DLG2: variants seen among roughly 807,000 people sequenced by gnomAD.
DLG2 encodes the protein disks large homolog 2.
In DLG2, 45 loss-of-function variants were observed where a neutral mutation model predicts 132.5. The ratio of observed to expected loss-of-function variants is 0.34; its 90% CI spans 0.27 to 0.44. The LOEUF (loss-of-function observed/expected upper bound fraction) is 0.44, where lower values mean the gene tolerates loss of function less well. DLG2 is among the 20% of genes least tolerant of loss of function. The pLI, the probability that DLG2 is intolerant of heterozygous loss-of-function variation, is 1.00. For synonymous variants in DLG2, 424 were observed against 419.6 expected (o/e 1.01, Z -0.13); for missense variants, 1,045 against 1,196.9 (o/e 0.87, Z 1.87).
intron 16 of DLG2, among the ~76,000 whole-genome samples, chr11:83,842,380 G>C (rs1345106522): frequency 6.6e-6 from 1 of 152,136 alleles, no homozygotes; most frequent in Non-Finnish European, 1.5e-5. Flanking sequence ...CGGATCATGA[G>C]GTCAAGAGAT....
chr11:84,519,315 T>C (rs1179147127), intron 7 of DLG2, among the ~76,000 whole-genome samples: 1 of 152,188 alleles, frequency 6.6e-6, no homozygotes, highest in African/African-American at 2.4e-5. Flanking sequence ...TGTATCATCA[T>C]TTTAGCAAGT....
chr11:83,464,853 C>G (rs970199025), intron 26 of DLG2, among the ~76,000 whole-genome samples: 2 of 152,130 alleles, frequency 1.3e-5, no homozygotes, highest in Admixed American at 1.3e-4. Flanking sequence ...CTGAAACAGG[C>G]CTTTAAGATG....
intron 3 of DLG2, among the ~76,000 whole-genome samples, chr11:85,537,541 C>A (rs1247503646): frequency 6.7e-6 from 1 of 149,194 alleles, no homozygotes; most frequent in East Asian, 1.9e-4. Context: ...GGATGAACAA[C>A]TCCAGATGGG....
chr11:83,577,148 T>A (rs2096885879), intron 19 of DLG2, among the ~76,000 whole-genome samples: 1 of 152,060 alleles, frequency 6.6e-6, no homozygotes, highest in African/African-American at 2.4e-5. Context: ...CCTCCCAGCC[T>A]ACATCTTTCT....
intron 6 of DLG2, among the ~76,000 whole-genome samples, chr11:84,625,324 A>T (rs2099620844): frequency 6.6e-6 from 1 of 152,168 alleles, no homozygotes. Context: ...CTGCACTAGA[A>T]ACTGGAAACC....
At chr11:85,497,516 C>G (rs1188110710) in intron 3 of DLG2, among the ~76,000 whole-genome samples, 1 of 152,124 alleles carries the variant, frequency 6.6e-6, no homozygotes, top group Non-Finnish European at 1.5e-5. Flanking sequence ...AGGATATTAT[C>G]CAGGAGAACT....
intron 6 of DLG2, among the ~76,000 whole-genome samples, chr11:84,786,527 T>G (rs1004519353): frequency 1.3e-5 from 2 of 152,176 alleles, no homozygotes; most frequent in Non-Finnish European, 2.9e-5. Flanking sequence ...ATAACAAGCT[T>G]CTAAGATAGA....
intron 6 of DLG2, chr11:84,955,461 G>C (rs1439474161): frequency 6.6e-6 from 1 of 152,120 alleles, no homozygotes; most frequent in Non-Finnish European, 1.5e-5. Context: ...ATATTTTATA[G>C]CCTCACAATA....
At chr11:84,290,465 T>C (rs2097975900) in intron 7 of DLG2, among the ~76,000 whole-genome samples, 1 of 152,126 alleles carries the variant, frequency 6.6e-6, no homozygotes, top group Admixed American at 6.6e-5. Flanking sequence ...ATCCCTGTTA[T>C]CGCAGGGTTC....
chr11:85,310,736 G>A (rs1457144092), intron 3 of DLG2, among the ~76,000 whole-genome samples: 1 of 152,060 alleles, frequency 6.6e-6, no homozygotes, highest in African/African-American at 2.4e-5. Context: ...TGCTATTCTG[G>A]GCTCTTATAT....
intron 6 of DLG2, among the ~76,000 whole-genome samples, chr11:85,080,644 C>CA (rs1338437477): frequency 6.6e-6 from 1 of 152,082 alleles, no homozygotes; most frequent in Non-Finnish European, 1.5e-5. Flanking sequence ...CAGTAGAAGT[C>CA]AGTGCTCCTT....
chr11:85,339,875 G>C (rs1783142473), intron 3 of DLG2, among the ~76,000 whole-genome samples: 1 of 152,084 alleles, frequency 6.6e-6, no homozygotes, highest in South Asian at 2.1e-4. Flanking sequence ...GGAGCCAACA[G>C]ACACATGAAA....
At chr11:84,366,108 G>T (rs191624129) in intron 7 of DLG2, among the ~76,000 whole-genome samples, 3 of 152,022 alleles carry the variant, frequency 2.0e-5, no homozygotes, top group Non-Finnish European at 4.4e-5. Context: ...GACTAACAGC[G>T]GATCTCTCGG....
chr11:84,123,326 T>C (rs991921857), intron 9 of DLG2, among the ~76,000 whole-genome samples: 3 of 152,234 alleles, frequency 2.0e-5, no homozygotes, highest in African/African-American at 7.2e-5. Context: ...TCATACTGCC[T>C]TGGGTTATCA....
chr11:85,245,371 C>A (rs1431268040), intron 4 of DLG2, among the ~76,000 whole-genome samples: 3 of 151,962 alleles, frequency 2.0e-5, no homozygotes, highest in Admixed American at 6.6e-5. Flanking sequence ...TTCTGTTACT[C>A]ACAATGGAAA....
chr11:85,320,362 G>T (rs554903948), intron 3 of DLG2, among the ~76,000 whole-genome samples: 10 of 151,918 alleles, frequency 6.6e-5, no homozygotes, highest in Middle Eastern at 3.4e-3. Context: ...AGGAAATCAG[G>T]TCCATCTAAT....
At chr11:84,672,879 G>A (rs1358404736) in intron 6 of DLG2, among the ~76,000 whole-genome samples, 3 of 152,102 alleles carry the variant, frequency 2.0e-5, no homozygotes, top group Admixed American at 1.3e-4. Context: ...CAGGAAGCAT[G>A]GCAGCATCAG....
chr11:83,720,432 T>A (rs1163810833), intron 18 of DLG2, among the ~76,000 whole-genome samples: 1 of 151,824 alleles, frequency 6.6e-6, no homozygotes, highest in Non-Finnish European at 1.5e-5. Flanking sequence ...ATTGTGTTCT[T>A]TACCTTTTTC....
rs540499010 is a variant in DLG2, at chr11:85,378,604, T to A, written c.41-93239A>T. ...TGTGCAAGAAGAAAAAAATGAACTA[T>A]CTTTTCAAAATCTAACTGATTTTTA... On this transcript the variant is annotated intron_variant, in intron 3 of 27. Coordinates refer to ENST00000376104, the MANE Select transcript of DLG2 (RefSeq NM_001142699.3). Among the ~76,000 whole-genome samples the A allele has an allele frequency of 1.2e-4, 18 of 152,230 alleles. No homozygotes were observed. The East Asian group carries it at 2.7e-3, about 23-fold the overall frequency.
Sources: allele counts gnomAD v4.1 joint callset (sites outside exome capture counted in the v4.1 genomes callset), GRCh38; gene constraint gnomAD v4.1.1; transcripts MANE v1.5; gene names NCBI Gene and HGNC (gene_info 2026-07-23, HGNC 2026-07-21).